MALRD1: variants seen among roughly 807,000 people sequenced by gnomAD.
MALRD1 encodes the protein MAM and LDL receptor class A domain containing 1.
MALRD1 carries 247 observed loss-of-function variants against 242.1 expected under a neutral mutation model. That is an observed-to-expected ratio of 1.02 (90% CI 0.92 to 1.13). MALRD1 has a LOEUF of 1.13. MALRD1 is among the 50% of genes most tolerant of loss of function. MALRD1 has a pLI of 0.00. For missense variants in MALRD1, 2,989 were observed against 2,533.1 expected (o/e 1.18, Z -3.86); for synonymous variants, 995 against 866.6 (o/e 1.15, Z -2.60).
chr10:19,557,030 A>G (rs1299021029), intron 32 of MALRD1, among the ~76,000 whole-genome samples: 2 of 152,090 alleles, frequency 1.3e-5, no homozygotes, highest in Non-Finnish European at 2.9e-5. Context: ...TAATTTGAAA[A>G]TCCCTGATAA....
At chr10:19,522,957 A>G (rs181977228) in intron 31 of MALRD1, among the ~76,000 whole-genome samples, 103 of 152,326 alleles carry the variant, frequency 6.8e-4, no homozygotes, top group Middle Eastern at 3.4e-3. Flanking sequence ...TAGTTATTCA[A>G]TCAATAACTT....
At chr10:19,248,660 C>T (rs1839168544) in intron 18 of MALRD1, among the ~76,000 whole-genome samples, 2 of 151,710 alleles carry the variant, frequency 1.3e-5, no homozygotes, top group Non-Finnish European at 2.9e-5. Flanking sequence ...TTAAACCAGT[C>T]AGGAATTAGA....
intron 32 of MALRD1, among the ~76,000 whole-genome samples, chr10:19,532,803 A>G (rs981518455): frequency 9.2e-5 from 14 of 152,192 alleles, no homozygotes; most frequent in African/African-American, 3.1e-4. Flanking sequence ...TTCATTTTTA[A>G]CAGTTTGAGA....
intron 28 of MALRD1, among the ~76,000 whole-genome samples, chr10:19,442,013 C>G (rs1017565370): frequency 4.6e-5 from 7 of 152,128 alleles, no homozygotes; most frequent in African/African-American, 1.7e-4. Flanking sequence ...TTTCATTGAG[C>G]ATTGGTTTGT....
chr10:19,649,445 T>A (rs1840776743), intron 36 of MALRD1, among the ~76,000 whole-genome samples: 1 of 152,230 alleles, frequency 6.6e-6, no homozygotes, highest in African/African-American at 2.4e-5. Flanking sequence ...AGGTGTGAGA[T>A]GGTATCTCAT....
intron 7 of MALRD1, among the ~76,000 whole-genome samples, chr10:19,126,480 A>G (rs1837286649): frequency 2.0e-5 from 3 of 152,072 alleles, no homozygotes; most frequent in Admixed American, 2.0e-4. Flanking sequence ...AGTCTAGGTT[A>G]TATTCTGCCT....
chr10:19,697,875 C>G (rs1013141732), intron 38 of MALRD1, among the ~76,000 whole-genome samples: 16 of 152,260 alleles, frequency 1.1e-4, no homozygotes, highest in Admixed American at 3.9e-4. Context: ...TTTCTTCTGT[C>G]TCCCTGTTTT....
chr10:19,398,124 C>T (rs570398945), intron 28 of MALRD1, among the ~76,000 whole-genome samples: 1 of 151,908 alleles, frequency 6.6e-6, no homozygotes, highest in Non-Finnish European at 1.5e-5. Flanking sequence ...TCTCTTCATT[C>T]TGTTGATTGT....
intron 18 of MALRD1, among the ~76,000 whole-genome samples, chr10:19,246,462 T>C (rs1839051155): frequency 6.6e-6 from 1 of 152,146 alleles, no homozygotes; most frequent in East Asian, 1.9e-4. Flanking sequence ...GTAAAATGCC[T>C]GGGCATGAAG....
intron 29 of MALRD1, among the ~76,000 whole-genome samples, chr10:19,481,128 C>G (rs1836977440): frequency 6.6e-6 from 1 of 152,124 alleles, no homozygotes. Context: ...CTCCTTTCAG[C>G]ATGCACCTTG....
chr10:19,715,261 C>A (rs960808207), intron 38 of MALRD1, among the ~76,000 whole-genome samples: 3 of 151,748 alleles, frequency 2.0e-5, no homozygotes, highest in Admixed American at 2.0e-4. Flanking sequence ...GTGGGTTATA[C>A]CTATCAAGAC....
At chr10:19,520,892 C>T (rs1278624854) in intron 31 of MALRD1, among the ~76,000 whole-genome samples, 1 of 152,138 alleles carries the variant, frequency 6.6e-6, no homozygotes, top group Non-Finnish European at 1.5e-5. Context: ...CCACATGTAC[C>T]ATCTGAATCA....
intron 5 of MALRD1, among the ~76,000 whole-genome samples, chr10:19,116,538 A>T (rs367696473): frequency 6.6e-6 from 1 of 152,348 alleles, no homozygotes; most frequent in South Asian, 2.1e-4. Flanking sequence ...ACTGGATGTC[A>T]ATTATAACTT....
chr10:19,412,528 A>G lies in MALRD1; in HGVS notation c.4845+22919A>G, dbSNP rs568364296. ...TACAAGTGATTCAGTGGGGAATCCAAATGTATACTGTTGCATAATGAAGAC... is the reference window on the plus strand; with the variant it reads ...TACAAGTGATTCAGTGGGGAATCCAGATGTATACTGTTGCATAATGAAGAC... On this transcript the variant is annotated intron_variant, in intron 28 of 39. Transcript: ENST00000454679. Among the ~76,000 whole-genome samples, 130 of 152,326 alleles carry G rather than the reference A, an allele frequency of 8.5e-4. 1 individual carries two copies. The highest frequency in any genetic ancestry group is 3.8e-3 in the Admixed American group (58 of 15,290).
At chr10:19,364,731 G>A (rs1402348896) in intron 26 of MALRD1, among the ~76,000 whole-genome samples, 1 of 152,060 alleles carries the variant, frequency 6.6e-6, no homozygotes, top group African/African-American at 2.4e-5. Context: ...ATATCCCAAT[G>A]AACTGAATTT....
intron 28 of MALRD1, among the ~76,000 whole-genome samples, chr10:19,418,429 A>T (rs1589046652): frequency 6.6e-6 from 1 of 151,824 alleles, no homozygotes; most frequent in Non-Finnish European, 1.5e-5. Context: ...TTTTTTGGAG[A>T]TTGAGATTAA....
intron 36 of MALRD1, among the ~76,000 whole-genome samples, chr10:19,650,647 A>G (rs1840833514): frequency 6.6e-6 from 1 of 152,168 alleles, no homozygotes; most frequent in African/African-American, 2.4e-5. Context: ...AATTTATTAC[A>G]TTTGTAAAGT....
At chr10:19,535,074 T>C (rs1439132669) in intron 32 of MALRD1, among the ~76,000 whole-genome samples, 1 of 152,082 alleles carries the variant, frequency 6.6e-6, no homozygotes, top group East Asian at 1.9e-4. Flanking sequence ...TTAGTAGAGA[T>C]GGCGTTTCAC....
rs527864661 is a variant in MALRD1 at position 19,544,936 on chromosome 10, C to A, written c.5478+13585C>A. 9.9e-5 allele frequency among the ~76,000 whole-genome samples: 15 copies of A among 152,228 alleles called. No individual in the cohort carries two copies. In the South Asian group the frequency reaches 1.5e-3, roughly 15 times the overall value. On this transcript the variant is annotated intron_variant, in intron 32 of 39. Transcript: ENST00000454679. ...CCTATGCAGTCTACTATATTGGATT[C>A]TTTTTGTTTGATATGCATATTAGCT...
Sources: gnomAD v4.1 joint callset for allele counts (sites outside exome capture counted in the v4.1 genomes callset) on GRCh38, gnomAD v4.1.1 for gene constraint, MANE v1.5 for transcripts, NCBI Gene and HGNC (gene_info 2026-07-23, HGNC 2026-07-21) for gene names.